Variants in PHF7 observed in about 807,000 individuals in gnomAD.
The protein encoded by PHF7 is PHD finger protein 7.
Under a neutral mutation model 47.5 loss-of-function variants are expected in PHF7, and 24 were observed. The observed-to-expected ratio is 0.51, with a 90% CI of 0.37 to 0.71. PHF7 has a LOEUF of 0.71. Among genes scored for constraint, PHF7 ranks in the 30% least tolerant of loss-of-function variants. The pLI is 0.00. For missense variants in PHF7, 361 were observed against 456.8 expected, an observed-to-expected ratio of 0.79 and a Z score of 1.91; for synonymous variants, 156 against 153.8, an observed-to-expected ratio of 1.01 and a Z score of -0.11.
chr3:52,422,189 T>C (rs751298869), intron 8 of PHF7, 33 bp from the exon 9 acceptor site: 5 of 1,416,552 alleles, frequency 3.5e-6, no homozygotes, highest in South Asian at 1.1e-5. Context: ...CAACCCATTA[T>C]GTTCTTATTC....
chr3:52,413,417 AAG>A (rs1400845300), intron 2 of PHF7, among the ~76,000 whole-genome samples: 1 of 152,190 alleles, frequency 6.6e-6, no homozygotes, highest in Admixed American at 6.5e-5. Context: ...AAAAAAGTAA[AAG>A]AGGGTTTGCT....
intron 5 of PHF7, 124 bp downstream of exon 5, chr3:52,420,058 C>A: frequency 2.7e-6 from 2 of 736,202 alleles, no homozygotes. Flanking sequence ...GATTTTCCAA[C>A]TAGTCCTTAA....
chr3:52,420,485 C>T, intron 6 of PHF7, 50 bp downstream of exon 6: 2 of 1,589,958 alleles, frequency 1.3e-6, no homozygotes, highest in Non-Finnish European at 1.7e-6. Context: ...ACTTATTATT[C>T]AGCCACTAAT....
At chr3:52,414,397 T>C (rs755465825) in intron 3 of PHF7, 99 bp from the exon 4 acceptor site, 25 of 754,804 alleles carry the variant, frequency 3.3e-5, no homozygotes, top group Non-Finnish European at 5.4e-5. Flanking sequence ...TTCCTAGTAT[T>C]CTACTCCTTC....
chr3:52,423,454 A>C lies in PHF7; in HGVS notation c.*137A>C. The C allele has an allele frequency of 1.6e-6, 1 of 622,012 alleles. No individual in the cohort carries two copies. The highest frequency in any genetic ancestry group is 2.9e-6 in the Non-Finnish European group (1 of 347,858). 38.5% of individuals were successfully genotyped at this position (622,012 alleles called of 1,614,324 possible). On this transcript the variant is annotated 3_prime_UTR_variant, in exon 11 of 11. Coordinates refer to ENST00000327906, the MANE Select transcript of PHF7 (RefSeq NM_016483.7). ...TGAGACTATGAGCCAAGCAAAGAGAAGTCTCAGTGGAGCATGAGGAGGGAG... is the reference window on the plus strand; with the variant it reads ...TGAGACTATGAGCCAAGCAAAGAGACGTCTCAGTGGAGCATGAGGAGGGAG...
rs1196251085 is a variant in PHF7 at position 52,412,862 on chromosome 3, A to T, written c.-18A>T. On this transcript the variant is annotated 5_prime_UTR_variant, in exon 2 of 11. Coordinates refer to ENST00000327906, the MANE Select transcript of PHF7 (RefSeq NM_016483.7). ...ATAGTATAGAAGAATTCAAGAGAGG[A>T]GAGAGAGACAGCACCGAATGAAGAC... is the stretch of plus-strand genomic sequence containing the variant. 1 of 1,593,218 alleles carries T rather than the reference A, an allele frequency of 6.3e-7. No individual in the cohort carries two copies. The highest frequency in any genetic ancestry group is 2.2e-5 in the East Asian group (1 of 44,590).
chr3:52,412,550 A>G (rs1219012873), intron 1 of PHF7, among the ~76,000 whole-genome samples: 1 of 152,216 alleles, frequency 6.6e-6, no homozygotes, highest in East Asian at 1.9e-4. Context: ...TTCAGATCCC[A>G]TCTATATCAC....
intron 7 of PHF7, 120 bp downstream of exon 7, chr3:52,421,182 A>T: frequency 5.7e-6 from 5 of 878,910 alleles, no homozygotes; most frequent in Non-Finnish European, 8.7e-6. Context: ...GGAGGCCTGT[A>T]TTGAGGGCTG....
chr3:52,413,507 A>G (rs961982806), intron 2 of PHF7, among the ~76,000 whole-genome samples: 8 of 152,284 alleles, frequency 5.3e-5, no homozygotes, highest in African/African-American at 1.2e-4. Context: ...CCTGCCCTCA[A>G]ATAACTCAGT....
chr3:52,413,382 C>CA (rs1705520979), intron 2 of PHF7, among the ~76,000 whole-genome samples: 1 of 152,178 alleles, frequency 6.6e-6, no homozygotes, highest in South Asian at 2.1e-4. Context: ...ACCTGAGATT[C>CA]AGAGTAGTTG....
At chr3:52,420,456 G>A (rs746555916) in intron 6 of PHF7, 21 bp downstream of exon 6, 2 of 1,612,936 alleles carry the variant, frequency 1.2e-6, no homozygotes, top group African/African-American at 2.7e-5. Flanking sequence ...GAAGGGAAAA[G>A]TCTGGCTTCC....
At chr3:52,421,559 A>G (rs757789533) in intron 7 of PHF7, 89 bp from the exon 8 acceptor site, 8 of 801,434 alleles carry the variant, frequency 1.0e-5, no homozygotes, top group Non-Finnish European at 1.8e-5. Context: ...TCTTAGCAAC[A>G]TCCTCTTTGT....
rs554286473 is a variant in PHF7 at position 52,418,131 on chromosome 3, T to C, written c.187-1702T>C. 2.0e-5 allele frequency among the ~76,000 whole-genome samples: 3 copies of C among 152,324 alleles called. No homozygotes were observed. In the East Asian group the frequency reaches 5.8e-4, roughly 29 times the overall value. ...TGGTATAAACTCTACTTGGTCATGA[T>C]GTATTGTCCTTTTTATATGGTGCTG... On this transcript the variant is annotated intron_variant, in intron 4 of 10. Coordinates refer to ENST00000327906, the MANE Select transcript of PHF7 (RefSeq NM_016483.7).
At chr3:52,422,441 C>A (rs984684031) in intron 9 of PHF7, 103 bp downstream of exon 9, 13 of 822,048 alleles carry the variant, frequency 1.6e-5, no homozygotes, top group African/African-American at 8.4e-5. Flanking sequence ...TGTATGCAGA[C>A]CTTAGGATAA....
At chr3:52,413,954 A>T in intron 2 of PHF7, 42 bp from the exon 3 acceptor site, 1 of 1,367,480 alleles carries the variant, frequency 7.3e-7, no homozygotes, top group Non-Finnish European at 1.0e-6. Flanking sequence ...TATCAACAAG[A>T]TCCCCAAAGA....
intron 8 of PHF7, 178 bp downstream of exon 8, chr3:52,421,932 G>C (rs965828148): frequency 1.7e-6 from 1 of 586,514 alleles, no homozygotes; most frequent in Non-Finnish European, 3.0e-6. Flanking sequence ...AGAAGTTTGC[G>C]GGGGAATGGG....
Position 52,414,544 on chromosome 3 carries a change from A to G in PHF7, c.143A>G (p.Glu48Gly). The change falls in exon 4 of 11, where the codon GAA becomes GGA. Residue 48 changes from glutamate to glycine, a missense_variant. Physicochemically the swap from Glu to Gly is moderately conservative, Grantham distance 98. Coordinates refer to ENST00000327906, the MANE Select transcript of PHF7 (RefSeq NM_016483.7). ...CCTGGGGATCCCGAAAAATTAGGGG[A>G]ATTTCTTCAGAAAGACAATATCAGC... ...REPGDPEKLG[E>G]FLQKDNISVH... 1 of 1,613,094 alleles carries G rather than the reference A, an allele frequency of 6.2e-7. No homozygotes were observed. The highest frequency in any genetic ancestry group is 1.1e-5 in the South Asian group (1 of 90,978).
rs745866415 is a variant in PHF7 at position 52,414,003 on chromosome 3, G to A, written c.49G>A (p.Ala17Thr). Residue 17 changes from alanine (A) to threonine (T), a missense_variant, in exon 3 of 11, where the codon GCC becomes ACC. Transcript: ENST00000327906. ...CTTATTTCTCTTGTATAGAAAATCT[G>A]CCAAGACTAGGAGGGTAACCCAGAG... ...KKECQRLRKS[A>T]KTRRVTQRKP... 3 of 1,606,404 alleles carry A rather than the reference G, an allele frequency of 1.9e-6. No individual in the cohort carries two copies. Among genetic ancestry groups the A allele is most frequent in the Admixed American group, 3.3e-5 (2 of 59,954 alleles).
At chr3:52,419,069 T>G (rs1705704243) in intron 4 of PHF7, among the ~76,000 whole-genome samples, 1 of 152,080 alleles carries the variant, frequency 6.6e-6, no homozygotes, top group South Asian at 2.1e-4. Context: ...CTTCCCAAAG[T>G]GCTAGGATTA....
Sources: allele counts gnomAD v4.1 joint callset (sites outside exome capture counted in the v4.1 genomes callset), GRCh38; gene constraint gnomAD v4.1.1; transcripts MANE v1.5; gene names NCBI Gene and HGNC (gene_info 2026-07-23, HGNC 2026-07-21).